Variants in OXLD1 observed in about 807,000 individuals in gnomAD.
The protein encoded by OXLD1 is oxidoreductase-like domain-containing protein 1.
A neutral mutation model predicts 3.1 loss-of-function variants in OXLD1; 4 were observed. The observed-to-expected ratio is 1.28, with a 90% CI of 0.63 to 2.92. The LOEUF is 2.92. Ranked by LOEUF, OXLD1 falls within the 30% of genes most tolerant of loss-of-function variation. The probability of loss-of-function intolerance (pLI) is 0.01; values close to 1 mark genes in which losing one functional copy is unlikely to be tolerated. For missense variants in OXLD1, 240 were observed against 204.6 expected, an observed-to-expected ratio of 1.17 and a Z score of -1.05; for synonymous variants, 100 against 87.0, an observed-to-expected ratio of 1.15 and a Z score of -0.83.
intron 1 of OXLD1, 75 bp downstream of exon 1, chr17:81,666,443 G>T (rs757110928): frequency 6.0e-6 from 9 of 1,496,142 alleles, no homozygotes; most frequent in Non-Finnish European, 8.0e-6. Flanking sequence ...GGCTCCTCCC[G>T]GTACGTGCGG....
At chr17:81,665,754 T>C (rs1344767767) in intron 1 of OXLD1, 170 bp from the exon 2 acceptor site, 1 of 760,648 alleles carries the variant, frequency 1.3e-6, no homozygotes, top group East Asian at 2.8e-5. Flanking sequence ...AGACTCAGTT[T>C]CCCCACTGTG....
intron 1 of OXLD1, chr17:81,665,852 TG>T (rs2036601351): frequency 1.6e-5 from 8 of 495,094 alleles, no homozygotes; most frequent in Admixed American, 3.7e-5. Flanking sequence ...AAGCACATGG[TG>T]GGGGGTGGGG....
Position 81,665,461 on chromosome 17 carries a change from C to G in OXLD1, c.184G>C (p.Val62Leu), listed in dbSNP as rs531995903. The change falls in exon 2 of 2, where the codon GTA (valine) becomes CTA (leucine). Residue 62 changes from valine (V) to leucine (L), a missense_variant. Physicochemically the swap from Val to Leu is conservative, Grantham distance 32. Coordinates refer to ENST00000374741, the MANE Select transcript of OXLD1 (RefSeq NM_001039842.3). ...GCACCTGCTTGGGAGCCCACCTCTA[C>G]GTGGTCTGTCCCGAATTTTCTGCGC... ...DGRRKFGTDH[V>L]EVGSQAGADG... The G allele has an allele frequency of 3.1e-6, 5 of 1,613,456 alleles. No individual in the cohort carries two copies. The highest frequency in any genetic ancestry group is 4.2e-6 in the Non-Finnish European group (5 of 1,180,028).
rs1180900475 is a variant in OXLD1, at chr17:81,665,188, C to T, written c.*13G>A. On this transcript the variant is annotated 3_prime_UTR_variant, in exon 2 of 2. Coordinates refer to ENST00000374741, the MANE Select transcript of OXLD1 (RefSeq NM_001039842.3). ...GGACTCCGTCCTGCGGTAGGGAGTCCAGCAGGGATGGCTCAGCCTCCGCAC... is the reference window on the plus strand; with the variant it reads ...GGACTCCGTCCTGCGGTAGGGAGTCTAGCAGGGATGGCTCAGCCTCCGCAC... 1.9e-6 allele frequency: 3 copies of T among 1,598,162 alleles called. No homozygotes were observed. The highest frequency in any genetic ancestry group is 1.7e-6 in the Non-Finnish European group (2 of 1,170,994).
At position 81,665,285 on chromosome 17, in the gene OXLD1, A is replaced by G. The variant is rs1190964642; in HGVS notation, c.360T>C (p.Ala120=). The G allele has an allele frequency of 6.2e-7, 1 of 1,613,548 alleles. No homozygotes were observed. Among genetic ancestry groups the G allele is most frequent in the African/African-American group, 1.3e-5 (1 of 75,036 alleles). Residue 120 remains alanine (A), a synonymous_variant, in exon 2 of 2, where the codon GCT becomes GCC. Transcript: ENST00000374741. ...HFQDGGERAL[A]ALEEHVADEN... The stretch of plus-strand genomic sequence containing the variant: ...CATCAGCCACGTGCTCCTCCAGGGC[A>G]GCCAGGGCCCGCTCCCCACCGTCCT...
intron 1 of OXLD1, chr17:81,665,872 C>G (rs941328500): frequency 1.9e-5 from 9 of 473,772 alleles, no homozygotes; most frequent in Admixed American, 3.8e-5. Context: ...GGGAGGCACT[C>G]GACACCTCCA....
At chr17:81,666,417 C>A in intron 1 of OXLD1, 101 bp downstream of exon 1, 1 of 1,380,070 alleles carries the variant, frequency 7.2e-7, no homozygotes, top group Non-Finnish European at 9.7e-7. Flanking sequence ...TCCCCACATG[C>A]GGGTGGAGGG....
intron 1 of OXLD1, 27 bp downstream of exon 1, chr17:81,666,491 G>A: frequency 6.5e-7 from 1 of 1,530,788 alleles, no homozygotes; most frequent in Non-Finnish European, 8.7e-7. Context: ...GCCCTTCGGC[G>A]CTGCCAAGAC....
Position 81,665,424 on chromosome 17 carries a change from C to T in OXLD1, c.221G>A (p.Arg74Lys), listed in dbSNP as rs778569137. ...AGGTGGCAGCGATGCCTTGGGCGGC[C>T]TGGTGCCGTCCGCACCTGCTTGGGA... ...VGSQAGADGTRPPKASLPPEL... is the reference protein window; with the variant it reads ...VGSQAGADGTKPPKASLPPEL... The change falls in exon 2 of 2, where the codon AGG becomes AAG. Residue 74 changes from arginine to lysine, a missense_variant. Arg to Lys is a conservative substitution (Grantham distance 26). Transcript: ENST00000374741. The T allele has an allele frequency of 7.4e-6, 12 of 1,613,410 alleles. No individual in the cohort carries two copies. In the East Asian group the frequency reaches 2.2e-4, roughly 30 times the overall value.
In OXLD1 at chr17:81,666,539, T is replaced by C. The variant is rs2036627187; in HGVS notation, c.39A>G (p.Val13=). The change falls in exon 1 of 2, where the codon GTA becomes GTG. Residue 13 remains valine (V), a synonymous_variant. Transcript: ENST00000374741. ...LRRVVEGGRA[V]AAAVRGSGAR... ...TTGCCGAGCCACGGACCGCGGCGGCTACCGCCCGGCCTCCCTCGACCACCC... is the reference window on the plus strand; with the variant it reads ...TTGCCGAGCCACGGACCGCGGCGGCCACCGCCCGGCCTCCCTCGACCACCC... The C allele has an allele frequency of 6.6e-7, 1 of 1,520,820 alleles. No individual in the cohort carries two copies. 94.2% of individuals were successfully genotyped at this position (1,520,820 alleles called of 1,614,324 possible). A position where few individuals can be genotyped will look rare whatever the true frequency, so the allele number is the denominator to read the frequency against.
chr17:81,665,297 C>T lies in OXLD1; in HGVS notation c.348G>A (p.Glu116=), dbSNP rs137928765. 3.1e-4 allele frequency: 501 copies of T among 1,613,430 alleles called. 1 individual carries two copies. The highest frequency in any genetic ancestry group is 3.9e-4 in the Non-Finnish European group (459 of 1,180,032). The change falls in exon 2 of 2, where the codon GAG becomes GAA. Residue 116 remains glutamate (E), a synonymous_variant. Transcript: ENST00000374741. ...GCTCCTCCAGGGCAGCCAGGGCCCG[C>T]TCCCCACCGTCCTGGAAGTGCTGCA... ...RLLQHFQDGG[E]RALAALEEHV...
chr17:81,665,190 G>A lies in OXLD1; in HGVS notation c.*11C>T, dbSNP rs760150517. 1 of 1,599,598 alleles carries A rather than the reference G, an allele frequency of 6.3e-7. No individual in the cohort carries two copies. Among genetic ancestry groups the A allele is most frequent in the South Asian group, 1.1e-5 (1 of 89,096 alleles). On this transcript the variant is annotated 3_prime_UTR_variant, in exon 2 of 2. Transcript: ENST00000374741. ...ACTCCGTCCTGCGGTAGGGAGTCCA[G>A]CAGGGATGGCTCAGCCTCCGCACCT...
chr17:81,666,465 G>T, intron 1 of OXLD1, 53 bp downstream of exon 1: 1 of 1,520,332 alleles, frequency 6.6e-7, no homozygotes, highest in Non-Finnish European at 8.8e-7. Context: ...CCCCCGGACA[G>T]CGGCCTCTCG....
chr17:81,666,351 A>G, intron 1 of OXLD1, 167 bp downstream of exon 1: 2 of 726,774 alleles, frequency 2.8e-6, no homozygotes, highest in Admixed American at 3.5e-5. Flanking sequence ...GAGCCGATGG[A>G]GGAGAGGAGC....
rs1230718698 is a variant in OXLD1, at chr17:81,665,153, G to GCTGCGT, written c.*42_*47dup. On this transcript the variant is annotated 3_prime_UTR_variant, in exon 2 of 2. Transcript: ENST00000374741. Reference sequence around the variant, plus strand: ...GGGGGTGTGAAGGAAGGAGGCTGCGGCTGCGTCCTGGACTCCGTCCTGCGG... The same window carrying GCTGCGT: ...GGGGGTGTGAAGGAAGGAGGCTGCGGCTGCGTCTGCGTCCTGGACTCCGTCCTGCGG... The GCTGCGT allele has an allele frequency of 5.2e-6, 8 of 1,538,152 alleles. No homozygotes were observed. The highest frequency in any genetic ancestry group is 6.1e-6 in the Non-Finnish European group (7 of 1,140,254).
intron 1 of OXLD1, 80 bp from the exon 2 acceptor site, chr17:81,665,664 T>C (rs2036594233): frequency 1.4e-6 from 2 of 1,470,438 alleles, no homozygotes; most frequent in East Asian, 4.6e-5. Flanking sequence ...ACATTTCAGC[T>C]CTCCTGTCAT....
chr17:81,665,358 G>A lies in OXLD1; in HGVS notation c.287C>T (p.Pro96Leu), dbSNP rs1350949911. 1.9e-6 allele frequency: 3 copies of A among 1,613,562 alleles called. No individual in the cohort carries two copies. In the Admixed American group the frequency reaches 5.0e-5, roughly 27 times the overall value. Residue 96 changes from proline to leucine, a missense_variant, in exon 2 of 2, where the codon CCC becomes CTC. Coordinates refer to ENST00000374741, the MANE Select transcript of OXLD1 (RefSeq NM_001039842.3). ...CGCGTACTCCACCCACACGCAGTTG[G>A]GGCAGCCACTCATGCAGCAGTTTGT... ...PPTNCCMSGC[P>L]NCVWVEYADR...
chr17:81,665,281 G>A lies in OXLD1; in HGVS notation c.364C>T (p.Leu122=), dbSNP rs774187760. ...QDGGERALAA[L]EEHVADENLK... ...TTCTCATCAGCCACGTGCTCCTCCA[G>A]GGCAGCCAGGGCCCGCTCCCCACCG... is the stretch of plus-strand genomic sequence containing the variant. Residue 122 remains leucine (L), a synonymous_variant, in exon 2 of 2, where the codon CTG becomes TTG. Transcript: ENST00000374741. 2 of 1,613,586 alleles carry A rather than the reference G, an allele frequency of 1.2e-6. No individual in the cohort carries two copies. Among genetic ancestry groups the A allele is most frequent in the Non-Finnish European group, 1.7e-6 (2 of 1,180,018 alleles).
intron 1 of OXLD1, chr17:81,666,090 C>A (rs2036608762): frequency 2.4e-6 from 1 of 421,428 alleles, no homozygotes; most frequent in Non-Finnish European, 4.2e-6. Flanking sequence ...GTCCTATAGG[C>A]AGTCTTCCGT....
Sources: gnomAD v4.1 joint callset for allele counts on GRCh38, gnomAD v4.1.1 for gene constraint, MANE v1.5 for transcripts, NCBI Gene and HGNC (gene_info 2026-07-23, HGNC 2026-07-21) for gene names.